CA10: variants seen among roughly 807,000 people sequenced by gnomAD.
The protein encoded by CA10 is carbonic anhydrase 10 (inactive).
A neutral mutation model predicts 44.2 loss-of-function variants in CA10; 14 were observed. The ratio of observed to expected loss-of-function variants is 0.32; its 90% CI spans 0.21 to 0.50. The LOEUF (loss-of-function observed/expected upper bound fraction) is 0.50, where lower values mean the gene tolerates loss of function less well. Ranked by LOEUF, CA10 falls within the 20% of genes least tolerant of loss-of-function variation. The pLI is 0.99. For missense variants in CA10, 350 were observed against 409.7 expected, an observed-to-expected ratio of 0.85 and a Z score of 1.26; for synonymous variants, 159 against 141.6, an observed-to-expected ratio of 1.12 and a Z score of -0.87.
chr17:52,158,408 CACACAGAG>C lies in CA10; in HGVS notation c.-630_-623del. The C allele has an allele frequency of 1.2e-5, 2 of 166,904 alleles. No individual in the cohort carries two copies. Among genetic ancestry groups the C allele is most frequent in the Admixed American group, 6.0e-5 (1 of 16,770 alleles). 10.3% of individuals were successfully genotyped at this position (166,904 alleles called of 1,614,324 possible). A position where few individuals can be genotyped will look rare whatever the true frequency, so the allele number is the denominator to read the frequency against. ...GCGGGGAAGGAGCAGACACAGCAGACACACAGAGAAAGAGAGGCAGGGATTATTGCCCG... is the reference window on the plus strand; with the variant it reads ...GCGGGGAAGGAGCAGACACAGCAGACAAAGAGAGGCAGGGATTATTGCCCG... On this transcript the variant is annotated 5_prime_UTR_variant, in exon 1 of 9. Transcript: ENST00000451037.
chr17:51,951,378 C>T (rs749262046), intron 2 of CA10, among the ~76,000 whole-genome samples: 19 of 152,150 alleles, frequency 1.2e-4, no homozygotes, highest in Non-Finnish European at 2.5e-4. Flanking sequence ...CTCACTTTGT[C>T]CCTACTTGCA....
rs1425903311 is a variant in CA10 at position 51,717,855 on chromosome 17, A to ACGTG, written c.465+29777_465+29778insCACG. ...TATATATATATATATATATATATAT[A>ACGTG]TATATATATATATACAGGATAGAAT... is the stretch of plus-strand genomic sequence containing the variant. On this transcript the variant is annotated intron_variant, in intron 4 of 8. Coordinates refer to ENST00000451037, the MANE Select transcript of CA10 (RefSeq NM_020178.5). Among the ~76,000 whole-genome samples, 2 of 41,838 alleles carry ACGTG rather than the reference A, an allele frequency of 4.8e-5. 1 individual carries two copies. The highest frequency in any genetic ancestry group is 1.1e-4 in the Non-Finnish European group (2 of 17,994). 27.4% of individuals were successfully genotyped at this position (41,838 alleles called of 152,430 possible).
chr17:51,651,184 G>A (rs764868960), intron 5 of CA10, among the ~76,000 whole-genome samples: 1 of 152,186 alleles, frequency 6.6e-6, no homozygotes, highest in Non-Finnish European at 1.5e-5. Flanking sequence ...TGCTGGGAAG[G>A]GAAGGCAGAG....
At chr17:51,761,527 G>A (rs1905217139) in intron 3 of CA10, 1 of 152,110 alleles carries the variant, frequency 6.6e-6, no homozygotes, top group South Asian at 2.1e-4. Context: ...TTGTTCACAG[G>A]TATATTTGTT....
chr17:51,966,247 T>G (rs2057999771), intron 2 of CA10, among the ~76,000 whole-genome samples: 1 of 151,916 alleles, frequency 6.6e-6, no homozygotes, highest in Non-Finnish European at 1.5e-5. Context: ...TACTCACAAA[T>G]TGGAAGGATC....
At chr17:51,659,826 A>G (rs1235205624) in intron 4 of CA10, among the ~76,000 whole-genome samples, 2 of 152,182 alleles carry the variant, frequency 1.3e-5, no homozygotes, top group Non-Finnish European at 2.9e-5. Context: ...TCCTGTGACT[A>G]TTTGAGTTCA....
intron 3 of CA10, among the ~76,000 whole-genome samples, chr17:51,813,198 T>C (rs1000000243): frequency 6.6e-6 from 1 of 152,222 alleles, no homozygotes; most frequent in Non-Finnish European, 1.5e-5. Context: ...AGTGATGGTA[T>C]CTGGCACATT....
chr17:51,684,134 G>A (rs1914933502), intron 4 of CA10, among the ~76,000 whole-genome samples: 1 of 152,236 alleles, frequency 6.6e-6, no homozygotes, highest in Non-Finnish European at 1.5e-5. Context: ...CAAGTGAATA[G>A]TGGAGCAGGG....
intron 3 of CA10, among the ~76,000 whole-genome samples, chr17:51,865,374 A>G (rs1598088844): frequency 6.6e-6 from 1 of 152,314 alleles, no homozygotes; most frequent in East Asian, 1.9e-4. Context: ...GGTGTTCAAT[A>G]AAAATGTGCT....
chr17:52,047,065 AGC>A (rs1986932362), intron 2 of CA10, among the ~76,000 whole-genome samples: 5 of 152,122 alleles, frequency 3.3e-5, no homozygotes, highest in South Asian at 2.1e-4. Context: ...AAAATCTAGA[AGC>A]AACTCAAACT....
At chr17:51,876,159 CGTTT>C (rs1273028067) in intron 3 of CA10, among the ~76,000 whole-genome samples, 4 of 107,596 alleles carry the variant, frequency 3.7e-5, no homozygotes, top group Non-Finnish European at 7.4e-5. Flanking sequence ...TTTCTTCTCT[CGTTT>C]TTTTTTTTTT....
intron 2 of CA10, among the ~76,000 whole-genome samples, chr17:51,979,598 G>A (rs1016338043): frequency 2.6e-5 from 4 of 152,024 alleles, no homozygotes; most frequent in Admixed American, 1.3e-4. Flanking sequence ...TTCTATTCCT[G>A]CATTTCATAA....
At position 52,045,344 on chromosome 17, in the gene CA10, T is replaced by C. The variant is rs138823459; in HGVS notation, c.136+26975A>G. 6.4e-4 allele frequency among the ~76,000 whole-genome samples: 96 copies of C among 149,208 alleles called. 1 individual carries two copies. Among genetic ancestry groups the C allele is most frequent in the Middle Eastern group, 6.8e-3 (2 of 294 alleles). ...GGTACTAAAATCGTATAGAAAATGA[T>C]AGCTTTATAGATGGAAATTTGGATC... On this transcript the variant is annotated intron_variant, in intron 2 of 8. Transcript: ENST00000451037.
rs146823117 is a variant in CA10 at position 51,913,521 on chromosome 17, A to G, written c.279+17469T>C. ...CATCTTCTGGGAAACTCGAAAGAAG[A>G]CTAAAGTCCCTTCAAGGTCAGACCT... On this transcript the variant is annotated intron_variant, in intron 3 of 8. Coordinates refer to ENST00000451037, the MANE Select transcript of CA10 (RefSeq NM_020178.5). 1.5e-3 allele frequency among the ~76,000 whole-genome samples: 236 copies of G among 152,308 alleles called. 1 individual carries two copies. The highest frequency in any genetic ancestry group is 5.5e-3 in the African/African-American group (229 of 41,578).
intron 4 of CA10, among the ~76,000 whole-genome samples, chr17:51,692,453 G>A (rs553629469): frequency 6.6e-6 from 1 of 150,402 alleles, no homozygotes; most frequent in African/African-American, 2.4e-5. Flanking sequence ...GGAATGATAG[G>A]TTTTTTTAAA....
intron 2 of CA10, among the ~76,000 whole-genome samples, chr17:52,021,026 A>G (rs1411232237): frequency 6.6e-6 from 1 of 152,016 alleles, no homozygotes; most frequent in East Asian, 1.9e-4. Flanking sequence ...GTTTGTATGT[A>G]CCACATTTTA....
At chr17:51,730,369 G>T (rs963591965) in intron 4 of CA10, among the ~76,000 whole-genome samples, 6 of 152,186 alleles carry the variant, frequency 3.9e-5, no homozygotes, top group Non-Finnish European at 7.3e-5. Context: ...ACACTGGTCA[G>T]ACTGTAATGT....
At chr17:51,763,075 A>G (rs1247547436) in intron 3 of CA10, 1 of 152,210 alleles carries the variant, frequency 6.6e-6, no homozygotes, top group Non-Finnish European at 1.5e-5. Flanking sequence ...AGAAAAGCCC[A>G]ATGTCATGAT....
At chr17:52,135,545 T>A (rs1446431292) in intron 1 of CA10, among the ~76,000 whole-genome samples, 1 of 152,276 alleles carries the variant, frequency 6.6e-6, no homozygotes, top group East Asian at 1.9e-4. Context: ...GCTTATTAAA[T>A]ATGTATATTT....
Sources: allele counts gnomAD v4.1 joint callset (sites outside exome capture counted in the v4.1 genomes callset), GRCh38; gene constraint gnomAD v4.1.1; transcripts MANE v1.5; gene names NCBI Gene and HGNC (gene_info 2026-07-23, HGNC 2026-07-21).